Variants in VWA8 observed in about 807,000 individuals in gnomAD.
The protein encoded by VWA8 is von Willebrand factor A domain-containing protein 8.
In VWA8, 221 loss-of-function variants were observed where a neutral mutation model predicts 241.5. The ratio of observed to expected loss-of-function variants is 0.91; its 90% confidence interval spans 0.82 to 1.02. The LOEUF is 1.02. Among genes scored for constraint, VWA8 ranks in the 50% least tolerant of loss-of-function variants. VWA8 has a pLI of 0.00. For missense variants in VWA8, 2,322 were observed against 2,328.7 expected, an observed-to-expected ratio of 1.00 and a Z score of 0.06; for synonymous variants, 852 against 827.1, an observed-to-expected ratio of 1.03 and a Z score of -0.52.
intron 32 of VWA8, 30 bp downstream of exon 32, chr13:41,691,290 C>T (rs139932219): frequency 1.2e-6 from 2 of 1,604,506 alleles, no homozygotes; most frequent in African/African-American, 2.7e-5. Context: ...CTACAACATA[C>T]TCCATGATAC....
intron 38 of VWA8, among the ~76,000 whole-genome samples, chr13:41,613,604 C>A (rs989818540): frequency 6.6e-6 from 1 of 152,174 alleles, no homozygotes; most frequent in Admixed American, 6.5e-5. Flanking sequence ...GGGCCCCAGG[C>A]AAAGTCACAC....
At chr13:41,879,209 AC>A (rs1282393506) in intron 9 of VWA8, among the ~76,000 whole-genome samples, 1 of 152,126 alleles carries the variant, frequency 6.6e-6, no homozygotes, top group African/African-American at 2.4e-5. Context: ...CCTGGAATAA[AC>A]CTTGAAGTGA....
chr13:41,781,279 C>A (rs1868873836), intron 19 of VWA8, among the ~76,000 whole-genome samples: 1 of 152,104 alleles, frequency 6.6e-6, no homozygotes, highest in Non-Finnish European at 1.5e-5. Flanking sequence ...CAGCTTCATA[C>A]CAGTGACAAC....
At position 41,668,766 on chromosome 13, in the gene VWA8, T is replaced by A. The variant is rs1394183842; in HGVS notation, c.4611+2180A>T. On this transcript the variant is annotated intron_variant, in intron 37 of 44. Transcript: ENST00000379310. Reference sequence around the variant, plus strand: ...TATTAAGACAATTAGTCTTGTCTGTTTGAACATAAGAATACAGACTCATGT... The same window carrying A: ...TATTAAGACAATTAGTCTTGTCTGTATGAACATAAGAATACAGACTCATGT... Among the ~76,000 whole-genome samples the A allele has an allele frequency of 2.0e-5, 3 of 152,200 alleles. No homozygotes were observed. The East Asian group carries it at 5.8e-4, about 29-fold the overall frequency.
intron 37 of VWA8, among the ~76,000 whole-genome samples, chr13:41,628,004 A>C (rs2044703862): frequency 6.6e-6 from 1 of 151,954 alleles, no homozygotes; most frequent in South Asian, 2.1e-4. Flanking sequence ...TAGGGCATAC[A>C]CCGAGTAAAT....
intron 9 of VWA8, among the ~76,000 whole-genome samples, chr13:41,881,027 T>C (rs542307608): frequency 2.8e-4 from 43 of 152,160 alleles, no homozygotes; most frequent in Non-Finnish European, 5.7e-4. Context: ...AGTAGGCATT[T>C]TACACTTTAA....
chr13:41,843,262 A>G (rs1338782938), intron 12 of VWA8, among the ~76,000 whole-genome samples: 6 of 152,232 alleles, frequency 3.9e-5, no homozygotes, highest in South Asian at 2.1e-4. Context: ...ATTTTATTCA[A>G]ATAGTACTAC....
In VWA8 at chr13:41,721,428, C is replaced by A; in HGVS notation, c.2906G>T (p.Gly969Val). Residue 969 changes from glycine (G) to valine (V), a missense_variant, in exon 25 of 45, where the codon GGG becomes GTG. Coordinates refer to ENST00000379310, the MANE Select transcript of VWA8 (RefSeq NM_015058.2). ...FGELRSLADQGIINYPYSTRE... is the reference protein window; with the variant it reads ...FGELRSLADQVIINYPYSTRE... Reference sequence around the variant, plus strand: ...GGTAGAATAAGGATAGTTAATAATCCCTTGGTCAGCCAAACTCCTCAGCTC... The same window carrying A: ...GGTAGAATAAGGATAGTTAATAATCACTTGGTCAGCCAAACTCCTCAGCTC... 6.2e-7 allele frequency: 1 copy of A among 1,613,652 alleles called. No individual in the cohort carries two copies. Among genetic ancestry groups the A allele is most frequent in the East Asian group, 2.2e-5 (1 of 44,872 alleles).
At chr13:41,727,131 C>T (rs2045441945) in intron 24 of VWA8, 63 bp downstream of exon 24, 2 of 1,261,100 alleles carry the variant, frequency 1.6e-6, no homozygotes, top group East Asian at 2.7e-5. Context: ...ACAGCCATTA[C>T]AGCAGTGTTA....
Position 41,689,453 on chromosome 13 carries a change from A to T in VWA8, c.4032T>A (p.His1344Gln). The change falls in exon 34 of 45, where the codon CAT (histidine) becomes CAA (glutamine). Residue 1344 changes from histidine to glutamine, a missense_variant. By Grantham distance (24) the His-to-Gln change is conservative. Coordinates refer to ENST00000379310, the MANE Select transcript of VWA8 (RefSeq NM_015058.2). Reference sequence around the variant, plus strand: ...TCTTTTGTTCCACAGCTGAACTTAGATGTTCAGATGATAGTTGATCACTGG... The same window carrying T: ...TCTTTTGTTCCACAGCTGAACTTAGTTGTTCAGATGATAGTTGATCACTGG... ...KISSDQLSSE[H>Q]LSSAVEQKIA... 6 of 1,611,948 alleles carry T rather than the reference A, an allele frequency of 3.7e-6. No individual in the cohort carries two copies. Among genetic ancestry groups the T allele is most frequent in the Non-Finnish European group, 5.1e-6 (6 of 1,179,078 alleles).
At chr13:41,625,605 G>C (rs2044684833) in intron 37 of VWA8, among the ~76,000 whole-genome samples, 1 of 152,170 alleles carries the variant, frequency 6.6e-6, no homozygotes, top group African/African-American at 2.4e-5. Context: ...AGGATGTGGA[G>C]AAATAGGAAC....
At chr13:41,640,105 C>G (rs2044785731) in intron 37 of VWA8, among the ~76,000 whole-genome samples, 1 of 152,162 alleles carries the variant, frequency 6.6e-6, no homozygotes, top group South Asian at 2.1e-4. Context: ...CAACTCCCTC[C>G]CCCGCTCCTA....
At chr13:41,893,145 T>C (rs535255080) in intron 4 of VWA8, among the ~76,000 whole-genome samples, 2 of 152,358 alleles carry the variant, frequency 1.3e-5, no homozygotes, top group South Asian at 4.1e-4. Flanking sequence ...TCTATTTTTT[T>C]AAGACTTAAT....
intron 37 of VWA8, among the ~76,000 whole-genome samples, chr13:41,624,357 T>C (rs962215459): frequency 6.6e-6 from 1 of 151,968 alleles, no homozygotes; most frequent in Non-Finnish European, 1.5e-5. Context: ...CAAAACCTGG[T>C]AGAGACACAA....
intron 19 of VWA8, among the ~76,000 whole-genome samples, chr13:41,779,432 A>T (rs952347572): frequency 3.9e-5 from 6 of 152,002 alleles, no homozygotes; most frequent in Admixed American, 3.9e-4. Context: ...ATGCTTTCAG[A>T]TATGCCATGG....
rs139915259 is a variant in VWA8, at chr13:41,627,480, C to T, written c.4612-12396G>A. 4.6e-3 allele frequency among the ~76,000 whole-genome samples: 698 copies of T among 152,238 alleles called. 9 individuals are homozygous for T. Among genetic ancestry groups the T allele is most frequent in the African/African-American group, 0.016 (657 of 41,542 alleles). ...GCTAGGGCCGCTCAGGGAGAGAGAA[C>T]CTAGAAGCCTGGCATGCTGGCAAAA... is the stretch of plus-strand genomic sequence containing the variant. On this transcript the variant is annotated intron_variant, in intron 37 of 44. Coordinates refer to ENST00000379310, the MANE Select transcript of VWA8 (RefSeq NM_015058.2).
intron 2 of VWA8, chr13:41,926,231 A>G: frequency 1.5e-6 from 1 of 687,996 alleles, no homozygotes; most frequent in Non-Finnish European, 2.7e-6. Flanking sequence ...TGCATATGTT[A>G]CCTCATCTTC....
chr13:41,901,640 T>C (rs1875429984), intron 4 of VWA8, among the ~76,000 whole-genome samples: 1 of 151,832 alleles, frequency 6.6e-6, no homozygotes, highest in South Asian at 2.1e-4. Context: ...GGCCGAGGTA[T>C]GCGGATCACC....
At chr13:41,676,528 T>C (rs960210221) in intron 35 of VWA8, among the ~76,000 whole-genome samples, 1 of 152,252 alleles carries the variant, frequency 6.6e-6, no homozygotes, top group Non-Finnish European at 1.5e-5. Flanking sequence ...TATACTCATG[T>C]GATGTCATTA....
Sources: gnomAD v4.1 joint callset for allele counts (sites outside exome capture counted in the v4.1 genomes callset) on GRCh38, gnomAD v4.1.1 for gene constraint, MANE v1.5 for transcripts, NCBI Gene and HGNC (gene_info 2026-07-23, HGNC 2026-07-21) for gene names.